Variants in RAP1GAP2 observed in about 807,000 individuals in gnomAD.
RAP1GAP2 encodes rap1 GTPase-activating protein 2.
Under a neutral mutation model 95.0 loss-of-function variants are expected in RAP1GAP2, and 27 were observed. That is an observed-to-expected ratio of 0.28 (90% CI 0.21 to 0.39). The LOEUF is 0.39. Ranked by LOEUF, RAP1GAP2 falls within the 10% of genes least tolerant of loss-of-function variation. The pLI is 1.00. For synonymous variants in RAP1GAP2, 373 were observed against 380.9 expected, an observed-to-expected ratio of 0.98 and a Z score of 0.24; for missense variants, 771 against 970.0, an observed-to-expected ratio of 0.79 and a Z score of 2.72.
At chr17:2,758,169 A>AAGC (rs2071182463) in intron 1 of RAP1GAP2, among the ~76,000 whole-genome samples, 1 of 113,668 alleles carries the variant, frequency 8.8e-6, no homozygotes, top group African/African-American at 3.7e-5. Flanking sequence ...ACGCCTGGCC[A>AAGC]CGCCCCCCCC....
intron 1 of RAP1GAP2, among the ~76,000 whole-genome samples, chr17:2,790,795 G>A (rs563034575): frequency 8.5e-5 from 13 of 152,264 alleles, no homozygotes; most frequent in Admixed American, 5.9e-4. Flanking sequence ...CCTTCCTCCC[G>A]TCCTGCCCCG....
chr17:2,984,979 C>T lies in RAP1GAP2; in HGVS notation c.730-4C>T, dbSNP rs766621560. Reference sequence around the variant, plus strand: ...GATTTTTTTTTTCTTGCCACATTTTCCAGGCCTCCCAAATGATTGTGTCCT... The same window carrying T: ...GATTTTTTTTTTCTTGCCACATTTTTCAGGCCTCCCAAATGATTGTGTCCT... On this transcript the variant is annotated splice_region_variant and splice_polypyrimidine_tract_variant and intron_variant, in intron 10 of 24. Transcript: ENST00000254695. The T allele has an allele frequency of 1.9e-6, 3 of 1,602,424 alleles. No individual in the cohort carries two copies. The highest frequency in any genetic ancestry group is 2.6e-6 in the Non-Finnish European group (3 of 1,176,126).
Position 2,828,929 on chromosome 17 carries a change from C to T in RAP1GAP2, c.80+28379C>T, listed in dbSNP as rs572764356. Among the ~76,000 whole-genome samples, 5 of 151,708 alleles carry T rather than the reference C, an allele frequency of 3.3e-5. No homozygotes were observed. In the South Asian group the frequency reaches 1.0e-3, roughly 32 times the overall value. ...TTTGCTCCCTTGGTCTCTTCTCCTC[C>T]CTCTCTCATTGCTCCCTGGGGGGGC... On this transcript the variant is annotated intron_variant, in intron 2 of 24. Transcript: ENST00000254695.
chr17:2,780,858 C>T (rs187819473), intron 1 of RAP1GAP2, among the ~76,000 whole-genome samples: 2 of 152,408 alleles, frequency 1.3e-5, no homozygotes, highest in African/African-American at 4.8e-5. Context: ...TTCTTGTCCA[C>T]ACCTCTCTCA....
chr17:3,019,097 T>A (rs1019892420), intron 18 of RAP1GAP2, among the ~76,000 whole-genome samples: 2 of 152,004 alleles, frequency 1.3e-5, no homozygotes, highest in African/African-American at 2.4e-5. Flanking sequence ...TCAACTGAAT[T>A]TGAATGCGAT....
At chr17:3,030,331 T>C (rs2047253362) in intron 22 of RAP1GAP2, among the ~76,000 whole-genome samples, 1 of 152,144 alleles carries the variant, frequency 6.6e-6, no homozygotes, top group African/African-American at 2.4e-5. Flanking sequence ...TTTTCTTTTG[T>C]GCTATTCACA....
At chr17:2,917,503 C>T (rs1418569803) in intron 3 of RAP1GAP2, among the ~76,000 whole-genome samples, 1 of 152,100 alleles carries the variant, frequency 6.6e-6, no homozygotes, top group African/African-American at 2.4e-5. Context: ...CTCCTGACCT[C>T]AGGTGATCCA....
At chr17:2,799,958 G>C (rs1199585301) in intron 1 of RAP1GAP2, among the ~76,000 whole-genome samples, 2 of 152,168 alleles carry the variant, frequency 1.3e-5, no homozygotes, top group Non-Finnish European at 2.9e-5. Flanking sequence ...CTCTGTGCCT[G>C]ATACAACCCA....
chr17:2,800,227 C>G (rs1405049151), intron 1 of RAP1GAP2: 3 of 985,160 alleles, frequency 3.0e-6, no homozygotes, highest in African/African-American at 3.5e-5. Context: ...CGTGAGATAC[C>G]TGAATTCAGA....
At chr17:2,831,723 C>A (rs1427491964) in intron 2 of RAP1GAP2, among the ~76,000 whole-genome samples, 1 of 151,694 alleles carries the variant, frequency 6.6e-6, no homozygotes, top group African/African-American at 2.4e-5. Flanking sequence ...CATGACAAAA[C>A]CTCATCTCTA....
In RAP1GAP2 at chr17:2,822,617, GT is replaced by G. The variant is rs1212676493; in HGVS notation, c.80+22076del. Among the ~76,000 whole-genome samples, 24 of 117,780 alleles carry G rather than the reference GT, an allele frequency of 2.0e-4. No homozygotes were observed. The East Asian group carries it at 6.2e-3, about 31-fold the overall frequency. The allele number at this position is 117,780 out of a possible 152,430, so 77.3% of individuals were successfully genotyped here. On this transcript the variant is annotated intron_variant, in intron 2 of 24. Transcript: ENST00000254695. Reference sequence around the variant, plus strand: ...TCCGCCTGGAGGACAATAAAACCCTGTTTTTTTTTGTTTTTTTTTTTTTTTT... The same window carrying G: ...TCCGCCTGGAGGACAATAAAACCCTGTTTTTTTTGTTTTTTTTTTTTTTTT...
intron 2 of RAP1GAP2, among the ~76,000 whole-genome samples, chr17:2,807,802 C>G (rs1255815789): frequency 6.6e-6 from 1 of 152,078 alleles, no homozygotes; most frequent in Non-Finnish European, 1.5e-5. Flanking sequence ...GGGGCTGGAT[C>G]AAAGGGCTTA....
intron 1 of RAP1GAP2, among the ~76,000 whole-genome samples, chr17:2,784,067 G>T (rs1014295959): frequency 6.6e-6 from 1 of 152,140 alleles, no homozygotes; most frequent in Non-Finnish European, 1.5e-5. Context: ...CTACCTCCCG[G>T]GTTTAAGTGA....
intron 3 of RAP1GAP2, among the ~76,000 whole-genome samples, chr17:2,946,975 G>A (rs2151444612): frequency 6.6e-6 from 1 of 152,294 alleles, no homozygotes; most frequent in Admixed American, 6.5e-5. Context: ...GGCTGGTCTT[G>A]AACGCCTGAC....
At chr17:2,794,089 CA>C (rs397700707), upstream of RAP1GAP2, among the ~76,000 whole-genome samples, 235 of 82,434 alleles carry the variant, frequency 2.9e-3, 1 homozygote, top group Admixed American at 7.9e-3. Flanking sequence ...CGAGACTCTT[CA>C]AAAAAAAAAA....
At chr17:2,824,728 G>A (rs1407847926) in intron 2 of RAP1GAP2, among the ~76,000 whole-genome samples, 9 of 107,922 alleles carry the variant, frequency 8.3e-5, no homozygotes, top group Admixed American at 5.7e-4. Context: ...TGACAAAAGC[G>A]AAACTCTGTC....
rs1313200140 is a variant in RAP1GAP2, at chr17:3,027,100, T to C, written c.2107+30T>C. The C allele has an allele frequency of 6.4e-7, 1 of 1,552,252 alleles. No homozygotes were observed. The highest frequency in any genetic ancestry group is 1.2e-5 in the South Asian group (1 of 83,126). ...GTGGCATCTGGTGGTGTGTGTGACG[T>C]CACCAGGAGGGCAGGCTGTGCCCTG... On this transcript the variant is annotated intron_variant, in intron 22 of 24. Transcript: ENST00000254695. This position sits in a 1 kb window ranked among gnomAD's most constrained non-coding sequence, Gnocchi z 5.2.
At chr17:3,013,636 T>TC (rs1555600334) in intron 17 of RAP1GAP2, among the ~76,000 whole-genome samples, 2 of 136,056 alleles carry the variant, frequency 1.5e-5, no homozygotes, top group Non-Finnish European at 3.2e-5. Flanking sequence ...TCTTTTCTTT[T>TC]TTTTTTTTTT....
chr17:2,997,143 C>T (rs561919745), intron 13 of RAP1GAP2, among the ~76,000 whole-genome samples: 8 of 148,566 alleles, frequency 5.4e-5, no homozygotes, highest in Non-Finnish European at 1.1e-4. Flanking sequence ...GCTTGGTGGC[C>T]GAGATCACAC....
Sources: allele counts gnomAD v4.1 joint callset (sites outside exome capture counted in the v4.1 genomes callset), GRCh38; gene constraint gnomAD v4.1.1; non-coding constraint Gnocchi (gnomAD v3.1); transcripts MANE v1.5; gene names NCBI Gene and HGNC (gene_info 2026-07-23, HGNC 2026-07-21).